The following BAIAP2L1 variants were observed in gnomAD, a reference collection of about 807,000 sequenced individuals.
BAIAP2L1 encodes the protein BAR/IMD domain containing adaptor protein 2 like 1.
In BAIAP2L1, 35 loss-of-function variants were observed where a neutral mutation model predicts 66.3. The observed-to-expected ratio is 0.53, with a 90% CI of 0.40 to 0.70. BAIAP2L1 has a LOEUF of 0.70. BAIAP2L1 is among the 30% of genes least tolerant of loss of function. The pLI is 0.00. For synonymous variants in BAIAP2L1, 269 were observed against 248.7 expected, an observed-to-expected ratio of 1.08 and a Z score of -0.77; for missense variants, 622 against 656.9, an observed-to-expected ratio of 0.95 and a Z score of 0.58.
At chr7:98,299,535 T>G (rs532354738) in intron 12 of BAIAP2L1, among the ~76,000 whole-genome samples, 99 of 152,086 alleles carry the variant, frequency 6.5e-4, no homozygotes, top group South Asian at 8.3e-4. Context: ...TTTTTATATA[T>G]AGAGAGAGAT....
intron 7 of BAIAP2L1, among the ~76,000 whole-genome samples, chr7:98,314,687 G>A (rs1490518217): frequency 3.3e-5 from 5 of 152,148 alleles, no homozygotes; most frequent in Admixed American, 6.5e-5. Context: ...CCTGATGCGC[G>A]TGAATGGGGG....
At chr7:98,348,569 CA>C (rs752966671) in intron 3 of BAIAP2L1, among the ~76,000 whole-genome samples, 1,368 of 109,800 alleles carry the variant, frequency 0.012, 17 homozygotes, top group African/African-American at 0.047. Context: ...TCTGCCTCCA[CA>C]AAAAAAAAAA....
At position 98,294,076 on chromosome 7, in the gene BAIAP2L1, GAGAAA is replaced by G; in HGVS notation, c.1453_1457del (p.Phe485GlnfsTer18). ...CTCACGTAGGAAGCCACGCCTACCT[GAGAAA>G]AGGCGGCTTTGCAGTCCCGTTGGCA... On this transcript the variant is annotated frameshift_variant, in exon 13 of 14. Coordinates refer to ENST00000005260, the MANE Select transcript of BAIAP2L1 (RefSeq NM_018842.5). LOFTEE classifies it high-confidence loss of function. 6.2e-7 allele frequency: 1 copy of G among 1,614,098 alleles called. No individual in the cohort carries two copies. The highest frequency in any genetic ancestry group is 8.5e-7 in the Non-Finnish European group (1 of 1,179,896).
chr7:98,296,509 C>T (rs541631374), intron 12 of BAIAP2L1, among the ~76,000 whole-genome samples: 6 of 152,268 alleles, frequency 3.9e-5, no homozygotes, highest in Admixed American at 3.3e-4. Flanking sequence ...CCGGTAATCC[C>T]AGCTACTCAG....
chr7:98,398,878 T>C lies in BAIAP2L1; in HGVS notation c.51+1924A>G, dbSNP rs529710842. 2.6e-5 allele frequency among the ~76,000 whole-genome samples: 4 copies of C among 152,334 alleles called. No homozygotes were observed. The South Asian group carries it at 8.3e-4, about 32-fold the overall frequency. On this transcript the variant is annotated intron_variant, in intron 1 of 13. Coordinates refer to ENST00000005260, the MANE Select transcript of BAIAP2L1 (RefSeq NM_018842.5). ...CTCAGACTGGGAAGATACACAGGGC[T>C]GTTCTTGGAAGAAGGGCGGAAGGCA...
Position 98,310,593 on chromosome 7 carries a change from C to T in BAIAP2L1, c.808-1G>A. The T allele has an allele frequency of 6.4e-7, 1 of 1,562,422 alleles. No individual in the cohort carries two copies. Among genetic ancestry groups the T allele is most frequent in the Non-Finnish European group, 8.6e-7 (1 of 1,162,872 alleles). ...AAAGGGTGTCGTAATCTTTCCTAACCTGTGAAAAATTCTTTATTAGTCCAA... is the reference window on the plus strand; with the variant it reads ...AAAGGGTGTCGTAATCTTTCCTAACTTGTGAAAAATTCTTTATTAGTCCAA... On this transcript the variant is annotated splice_acceptor_variant, in intron 8 of 13. Coordinates refer to ENST00000005260, the MANE Select transcript of BAIAP2L1 (RefSeq NM_018842.5). LOFTEE classifies it high-confidence loss of function.
rs375972407 is a variant in BAIAP2L1, at chr7:98,348,492, G to A, written c.214+6550C>T. On this transcript the variant is annotated intron_variant, in intron 3 of 13. Coordinates refer to ENST00000005260, the MANE Select transcript of BAIAP2L1 (RefSeq NM_018842.5). ...TGCATCACGAGAATCGCTTGAACCC[G>A]GGAAGCAGAGGTTGCAGTGAGCCGA... is the stretch of plus-strand genomic sequence containing the variant. 3.1e-4 allele frequency among the ~76,000 whole-genome samples: 47 copies of A among 151,014 alleles called. 1 individual carries two copies. The South Asian group carries it at 9.3e-3, about 30-fold the overall frequency.
chr7:98,386,108 C>G, intron 1 of BAIAP2L1: 1 of 1,589,400 alleles, frequency 6.3e-7, no homozygotes, highest in East Asian at 2.2e-5. Flanking sequence ...ATTTGGCGGA[C>G]CTGTTGGTGC....
At chr7:98,400,433 C>G in intron 1 of BAIAP2L1, 3 of 171,196 alleles carry the variant, frequency 1.8e-5, no homozygotes, top group South Asian at 4.9e-5. Context: ...GAAGGAAGAA[C>G]CAGGAGGAGG....
intron 1 of BAIAP2L1, among the ~76,000 whole-genome samples, chr7:98,368,857 T>C (rs1056531067): frequency 1.5e-4 from 23 of 152,116 alleles, no homozygotes; most frequent in African/African-American, 4.8e-4. Context: ...TTGCAGTTTG[T>C]TTATCCACAT....
chr7:98,330,095 A>G (rs1801459790), intron 3 of BAIAP2L1, among the ~76,000 whole-genome samples: 1 of 152,196 alleles, frequency 6.6e-6, no homozygotes, highest in African/African-American at 2.4e-5. Context: ...CATCTACCTC[A>G]GTTCCTATTA....
chr7:98,292,924 C>A lies in BAIAP2L1; in HGVS notation c.*597G>T. On this transcript the variant is annotated 3_prime_UTR_variant, in exon 14 of 14. Coordinates refer to ENST00000005260, the MANE Select transcript of BAIAP2L1 (RefSeq NM_018842.5). ...GTGGCTGTGATAAGGGCAGGCAAAGCGTCTTAGCACTCTACAGCTCTGGCG... is the reference window on the plus strand; with the variant it reads ...GTGGCTGTGATAAGGGCAGGCAAAGAGTCTTAGCACTCTACAGCTCTGGCG... 1 of 1,374,338 alleles carries A rather than the reference C, an allele frequency of 7.3e-7. No individual in the cohort carries two copies. The allele number at this position is 1,374,338 out of a possible 1,614,324, so 85.1% of individuals were successfully genotyped here. A position where few individuals can be genotyped will look rare whatever the true frequency, so the allele number is the denominator to read the frequency against.
intron 12 of BAIAP2L1, among the ~76,000 whole-genome samples, chr7:98,299,729 T>G (rs751024178): frequency 6.6e-6 from 1 of 152,166 alleles, no homozygotes; most frequent in Non-Finnish European, 1.5e-5. Flanking sequence ...TGGCAACCAC[T>G]AGCTGTATAT....
chr7:98,329,173 TATA>T (rs146863969), intron 3 of BAIAP2L1, among the ~76,000 whole-genome samples: 275 of 152,202 alleles, frequency 1.8e-3, no homozygotes, highest in African/African-American at 6.3e-3. Flanking sequence ...GTCACTCCCT[TATA>T]ATAAGAAAAA....
chr7:98,376,082 G>A (rs954609784), intron 1 of BAIAP2L1, among the ~76,000 whole-genome samples: 16 of 152,118 alleles, frequency 1.1e-4, no homozygotes, highest in African/African-American at 3.6e-4. Context: ...TTTATTCAGT[G>A]TTATACTTCT....
In BAIAP2L1 at chr7:98,367,534, C is replaced by CTTTTTTT. The variant is rs1380227043; in HGVS notation, c.52-5109_52-5103dup. ...TATAGGCGCGCACCACCACACCTGG[C>CTTTTTTT]TTTTTTTTTTTTTTTTTGTGAGACG... On this transcript the variant is annotated intron_variant, in intron 1 of 13. Transcript: ENST00000005260. Among the ~76,000 whole-genome samples the CTTTTTTT allele has an allele frequency of 4.4e-5, 5 of 114,526 alleles. 1 individual carries two copies. The highest frequency in any genetic ancestry group is 6.5e-5 in the African/African-American group (2 of 30,914). 75.1% of individuals were successfully genotyped at this position (114,526 alleles called of 152,430 possible). A position where few individuals can be genotyped will look rare whatever the true frequency, so the allele number is the denominator to read the frequency against.
At chr7:98,357,565 C>CA (rs10648487) in intron 2 of BAIAP2L1, among the ~76,000 whole-genome samples, 65,134 of 104,102 alleles carry the variant, frequency 0.63, 19,048 homozygotes, top group South Asian at 0.8. Context: ...GACTCAGTCT[C>CA]AAAAAAAAAA....
chr7:98,306,354 C>T (rs1041664222), intron 11 of BAIAP2L1, 85 bp downstream of exon 11: 15 of 1,506,846 alleles, frequency 1.0e-5, no homozygotes, highest in East Asian at 2.3e-5. Flanking sequence ...GCAGGGCCTG[C>T]GACACAGCTA....
intron 1 of BAIAP2L1, among the ~76,000 whole-genome samples, chr7:98,391,418 C>A (rs1803040927): frequency 6.6e-6 from 1 of 152,034 alleles, no homozygotes; most frequent in African/African-American, 2.4e-5. Flanking sequence ...CCATTAAAAT[C>A]TAAAACTTGG....
Sources: allele counts gnomAD v4.1 joint callset (sites outside exome capture counted in the v4.1 genomes callset), GRCh38; gene constraint gnomAD v4.1.1; transcripts MANE v1.5; gene names NCBI Gene and HGNC (gene_info 2026-07-23, HGNC 2026-07-21).